Variants in TENM3 observed in about 807,000 individuals in gnomAD.
TENM3 encodes teneurin transmembrane protein 3.
Under a neutral mutation model 255.1 loss-of-function variants are expected in TENM3, and 63 were observed. That is an observed-to-expected ratio of 0.25 (90% CI 0.20 to 0.30). The LOEUF (loss-of-function observed/expected upper bound fraction) is 0.30, where lower values mean the gene tolerates loss of function less well. Among genes scored for constraint, TENM3 ranks in the 10% least tolerant of loss-of-function variants. TENM3 has a pLI of 1.00. For missense variants in TENM3, 2,929 were observed against 3,461.1 expected, an observed-to-expected ratio of 0.85 and a Z score of 3.86; for synonymous variants, 1,306 against 1,322.3, an observed-to-expected ratio of 0.99 and a Z score of 0.27.
At chr4:182,371,467 A>G (rs1766810034) in intron 3 of TENM3, among the ~76,000 whole-genome samples, 2 of 152,094 alleles carry the variant, frequency 1.3e-5, no homozygotes, top group South Asian at 2.1e-4. Context: ...AATCTGACCT[A>G]AGCCTCACCA....
intron 13 of TENM3, among the ~76,000 whole-genome samples, chr4:182,721,825 A>G (rs1324678198): frequency 1.3e-5 from 2 of 152,276 alleles, no homozygotes; most frequent in East Asian, 3.9e-4. Context: ...TTTCCTAATT[A>G]CTAGTTAGAT....
Position 182,582,597 on chromosome 4 carries a change from T to G in TENM3, c.512-18327T>G, listed in dbSNP as rs549921600. ...GAAGTTACTAAGTAATTAAATTACT[T>G]ATAACCAACAAAACAAAAAAAAACA... On this transcript the variant is annotated intron_variant, in intron 3 of 27. Transcript: ENST00000511685. Among the ~76,000 whole-genome samples, 204 of 150,988 alleles carry G rather than the reference T, an allele frequency of 1.4e-3. 1 individual carries two copies. The highest frequency in any genetic ancestry group is 4.7e-3 in the African/African-American group (194 of 41,408).
At chr4:182,459,136 G>C (rs996289615) in intron 3 of TENM3, among the ~76,000 whole-genome samples, 6 of 152,034 alleles carry the variant, frequency 3.9e-5, no homozygotes, top group African/African-American at 1.2e-4. Flanking sequence ...TCCTTCACAG[G>C]CTTGACTAAC....
the TENM3 span, among the ~76,000 whole-genome samples, chr4:181,617,392 G>A: frequency 6.6e-5 from 10 of 152,296 alleles, no homozygotes; most frequent in East Asian, 1.5e-3. Context: ...ATCAAAGGAA[G>A]GGAATATTTC....
At chr4:182,439,829 A>G (rs1328666341) in intron 3 of TENM3, among the ~76,000 whole-genome samples, 3 of 152,122 alleles carry the variant, frequency 2.0e-5, no homozygotes, top group East Asian at 1.9e-4. Flanking sequence ...CCCTGTCCCA[A>G]TTCTTGAAAT....
chr4:182,701,306 C>A (rs1343491266), intron 12 of TENM3, among the ~76,000 whole-genome samples: 1 of 143,990 alleles, frequency 6.9e-6, no homozygotes, highest in Admixed American at 7.1e-5. Flanking sequence ...CTGCAAGCTC[C>A]GCCTCCTGGG....
intron 5 of TENM3, among the ~76,000 whole-genome samples, chr4:182,639,893 C>T (rs1344421256): frequency 6.6e-6 from 1 of 151,842 alleles, no homozygotes; most frequent in African/African-American, 2.4e-5. Context: ...AGATTGAGAC[C>T]ATCCTGACCA....
chr4:182,237,256 G>A (rs1756951652), intron 1 of TENM3, among the ~76,000 whole-genome samples: 1 of 152,114 alleles, frequency 6.6e-6, no homozygotes, highest in Admixed American at 6.5e-5. Flanking sequence ...TGTCATTGAT[G>A]GGCATTTAGG....
intron 3 of TENM3, chr4:182,548,611 G>C (rs1370275277): frequency 3.9e-5 from 6 of 152,166 alleles, no homozygotes; most frequent in Admixed American, 2.6e-4. Flanking sequence ...TGGGACATTT[G>C]TTAACACTCC....
chr4:181,683,511 TG>T, the TENM3 span, among the ~76,000 whole-genome samples: 3 of 152,134 alleles, frequency 2.0e-5, no homozygotes, highest in Non-Finnish European at 4.4e-5. Flanking sequence ...GTAAGTCTAG[TG>T]GGGGGGCCAA....
intron 3 of TENM3, among the ~76,000 whole-genome samples, chr4:182,444,461 A>C (rs1372452304): frequency 3.3e-5 from 5 of 152,202 alleles, no homozygotes; most frequent in Non-Finnish European, 7.3e-5. Context: ...TATAATTTTT[A>C]AGAGTCAGTC....
At chr4:181,932,944 C>G in the TENM3 span, among the ~76,000 whole-genome samples, 1 of 152,084 alleles carries the variant, frequency 6.6e-6, no homozygotes, top group Non-Finnish European at 1.5e-5. Context: ...TGTTTTCACT[C>G]ATAAGTGGGA....
intron 3 of TENM3, among the ~76,000 whole-genome samples, chr4:182,576,983 C>G (rs1272873976): frequency 6.6e-6 from 1 of 152,170 alleles, no homozygotes; most frequent in African/African-American, 2.4e-5. Flanking sequence ...CTTGCGAGTT[C>G]TCCTACCCTG....
At chr4:181,959,189 C>G in the TENM3 span, among the ~76,000 whole-genome samples, 3 of 152,162 alleles carry the variant, frequency 2.0e-5, no homozygotes, top group African/African-American at 7.2e-5. Flanking sequence ...CTCTAGGAAG[C>G]CTTTCTTCAA....
intron 1 of TENM3, among the ~76,000 whole-genome samples, chr4:182,163,021 C>T (rs1751460471): frequency 6.6e-6 from 1 of 152,146 alleles, no homozygotes; most frequent in African/African-American, 2.4e-5. Context: ...TCCCATTATC[C>T]TGTTTGTTCA....
chr4:181,801,694 A>ATATATATG, the TENM3 span, among the ~76,000 whole-genome samples: 1 of 126,888 alleles, frequency 7.9e-6, no homozygotes, highest in Non-Finnish European at 1.7e-5. Context: ...ATATATATAT[A>ATATATATG]TATGCAACAA....
chr4:182,176,392 CAT>C (rs1752490426), intron 1 of TENM3, among the ~76,000 whole-genome samples: 2 of 152,128 alleles, frequency 1.3e-5, no homozygotes, highest in African/African-American at 2.4e-5. Flanking sequence ...TTGCTTACCT[CAT>C]AGATTTGTAA....
chr4:181,864,499 GT>G, the TENM3 span, among the ~76,000 whole-genome samples: 1 of 152,080 alleles, frequency 6.6e-6, no homozygotes. Context: ...GCCAGCAACG[GT>G]CTATCATCTG....
At chr4:182,010,834 A>G in the TENM3 span, among the ~76,000 whole-genome samples, 1 of 152,224 alleles carries the variant, frequency 6.6e-6, no homozygotes, top group Admixed American at 6.5e-5. Context: ...TTCATCACAG[A>G]AGTCATTAAA....
Sources: allele counts gnomAD v4.1 joint callset (sites outside exome capture counted in the v4.1 genomes callset), GRCh38; gene constraint gnomAD v4.1.1; transcripts MANE v1.5; gene names NCBI Gene and HGNC (gene_info 2026-07-23, HGNC 2026-07-21).